ART3: variants seen among roughly 807,000 people sequenced by gnomAD.
ART3 encodes ecto-ADP-ribosyltransferase 3.
In ART3, 49 loss-of-function variants were observed where a neutral mutation model predicts 48.5. The ratio of observed to expected loss-of-function variants is 1.01; its 90% CI spans 0.80 to 1.28. The LOEUF is 1.28. Among genes scored for constraint, ART3 ranks in the 50% most tolerant of loss-of-function variants. The probability of loss-of-function intolerance (pLI) is 0.00; values close to 1 mark genes in which losing one functional copy is unlikely to be tolerated. For synonymous variants in ART3, 145 were observed against 157.2 expected, an observed-to-expected ratio of 0.92 and a Z score of 0.58; for missense variants, 438 against 454.3, an observed-to-expected ratio of 0.96 and a Z score of 0.33.
intron 6 of ART3, 83 bp from the exon 7 acceptor site, chr4:76,100,712 G>T: frequency 6.9e-7 from 1 of 1,454,108 alleles, no homozygotes; most frequent in South Asian, 1.3e-5. Flanking sequence ...CATATTTCTT[G>T]CAAATAATTT....
intron 10 of ART3, chr4:76,105,408 G>T: frequency 4.1e-6 from 4 of 977,022 alleles, no homozygotes; most frequent in Non-Finnish European, 5.3e-6. Context: ...CTTCTGTCTT[G>T]CAGGACTGAT....
chr4:76,089,953 A>G (rs536781882), intron 3 of ART3, among the ~76,000 whole-genome samples: 1 of 152,118 alleles, frequency 6.6e-6, no homozygotes, highest in South Asian at 2.1e-4. Flanking sequence ...GGTGGTGGGT[A>G]CCTGTAGTCC....
At chr4:76,095,299 G>A (rs1725750256) in intron 3 of ART3, among the ~76,000 whole-genome samples, 2 of 152,158 alleles carry the variant, frequency 1.3e-5, no homozygotes, top group Admixed American at 1.3e-4. Context: ...TCCAAGGTCA[G>A]GAGTTCAAGA....
chr4:76,051,182 C>G (rs984205874), intron 1 of ART3, among the ~76,000 whole-genome samples: 1 of 151,524 alleles, frequency 6.6e-6, no homozygotes, highest in African/African-American at 2.4e-5. Context: ...CGAGAGCAAG[C>G]GAGGGCTGTG....
In ART3 at chr4:76,112,645, ATT is replaced by A. The variant is rs2109837951; in HGVS notation, c.*128_*129del. ...TCACTGGATAAAATGAGAATTGTAT[ATT>A]TGTTATTCATTTTGCAAATTCAGAA... On this transcript the variant is annotated 3_prime_UTR_variant, in exon 12 of 12. Coordinates refer to ENST00000355810, the MANE Select transcript of ART3 (RefSeq NM_001130016.3). 1 of 1,151,900 alleles carries A rather than the reference ATT, an allele frequency of 8.7e-7. No homozygotes were observed. The highest frequency in any genetic ancestry group is 1.2e-6 in the Non-Finnish European group (1 of 858,158). The allele number at this position is 1,151,900 out of a possible 1,614,324, so 71.4% of individuals were successfully genotyped here.
rs1578299428 is a variant in ART3 at position 76,044,643 on chromosome 4, G to T, written c.-9-31238G>T. On this transcript the variant is annotated intron_variant, in intron 1 of 9. Transcript: ENST00000341029. ...TTTAACTCTCTCTTTGACTTTCTGTGTCTGTCCCTCTTTCTGACTCCTTTT... is the reference window on the plus strand; with the variant it reads ...TTTAACTCTCTCTTTGACTTTCTGTTTCTGTCCCTCTTTCTGACTCCTTTT... Among the ~76,000 whole-genome samples, 3 of 151,304 alleles carry T rather than the reference G, an allele frequency of 2.0e-5. No individual in the cohort carries two copies. In the East Asian group the frequency reaches 5.8e-4, roughly 29 times the overall value.
At chr4:76,108,291 T>C (rs1200884519) in intron 11 of ART3, among the ~76,000 whole-genome samples, 1 of 152,076 alleles carries the variant, frequency 6.6e-6, no homozygotes. Context: ...GAAGCTATTC[T>C]ATACAGGAAG....
chr4:76,043,482 C>G (rs1735183681), intron 1 of ART3, among the ~76,000 whole-genome samples: 3 of 152,120 alleles, frequency 2.0e-5, no homozygotes, highest in South Asian at 2.1e-4. Context: ...GAGTGCAGTG[C>G]CAGCCCACTG....
chr4:76,063,176 C>T (rs1035212975), intron 1 of ART3, among the ~76,000 whole-genome samples: 14 of 152,042 alleles, frequency 9.2e-5, no homozygotes, highest in East Asian at 3.8e-4. Flanking sequence ...ACTTCATGGA[C>T]GGAAGCTTCC....
At chr4:76,105,795 G>A in intron 10 of ART3, 5 of 985,462 alleles carry the variant, frequency 5.1e-6, no homozygotes, top group South Asian at 9.4e-5. Context: ...AACTGGAACA[G>A]TTGGCTTCCA....
rs757150443 is a variant in ART3, at chr4:76,035,331, A to G, written c.-10+24011A>G. On this transcript the variant is annotated intron_variant, in intron 1 of 9. Coordinates refer to the ART3 transcript ENST00000341029. The stretch of plus-strand genomic sequence containing the variant: ...ATGCAAAGACAGCGTCCTCTTTTGA[A>G]CATGGGGAAGCCTAGAATAGATCAT... 29 of 1,613,894 alleles carry G rather than the reference A, an allele frequency of 1.8e-5. No homozygotes were observed. In the East Asian group the frequency reaches 6.0e-4, roughly 33 times the overall value.
Position 76,081,874 on chromosome 4 carries a change from C to T in ART3, c.120C>T (p.Tyr40=), listed in dbSNP as rs535587213. The T allele has an allele frequency of 9.3e-6, 15 of 1,614,044 alleles. No homozygotes were observed. The highest frequency in any genetic ancestry group is 1.3e-5 in the African/African-American group (1 of 74,994). The change falls in exon 3 of 12, where the codon TAC becomes TAT. Residue 40 remains tyrosine (Y), a synonymous_variant. Transcript: ENST00000355810. ...DMADNAFDDE[Y]LKCTDRMEIK... Reference sequence around the variant, plus strand: ...CAGATAATGCATTTGATGATGAATACCTGAAATGTACGGACAGGATGGAAA... The same window carrying T: ...CAGATAATGCATTTGATGATGAATATCTGAAATGTACGGACAGGATGGAAA...
At chr4:76,046,699 G>A (rs1002230503) in intron 1 of ART3, among the ~76,000 whole-genome samples, 3 of 151,942 alleles carry the variant, frequency 2.0e-5, no homozygotes, top group Non-Finnish European at 4.4e-5. Context: ...CCATATTCAT[G>A]TAGATAATAG....
chr4:76,017,821 G>A (rs1203158358), intron 1 of ART3, among the ~76,000 whole-genome samples: 1 of 152,244 alleles, frequency 6.6e-6, no homozygotes, highest in Non-Finnish European at 1.5e-5. Context: ...CCCTCCATGG[G>A]CATCCACTGA....
intron 1 of ART3, chr4:76,022,407 C>T (rs1732931234): frequency 4.3e-6 from 7 of 1,613,608 alleles, no homozygotes; most frequent in East Asian, 2.2e-5. Context: ...TGATGGCCTT[C>T]GATTCTGGAT....
At position 76,112,549 on chromosome 4, in the gene ART3, T is replaced by G. The variant is rs1175165352; in HGVS notation, c.*30T>G. The G allele has an allele frequency of 6.3e-7, 1 of 1,594,042 alleles. No homozygotes were observed. The highest frequency in any genetic ancestry group is 1.3e-5 in the African/African-American group (1 of 74,192). On this transcript the variant is annotated 3_prime_UTR_variant, in exon 12 of 12. Transcript: ENST00000355810. ...ATGCATTGTTTATCTTTCTTATTCT[T>G]TACTTGAAATAACTATAGGGATCCA...
intron 1 of ART3, among the ~76,000 whole-genome samples, chr4:76,032,664 A>G (rs1022644932): frequency 6.9e-6 from 1 of 145,632 alleles, no homozygotes; most frequent in Non-Finnish European, 1.5e-5. Flanking sequence ...AGCTCACTGC[A>G]ACCTCTGCCT....
chr4:76,034,169 A>G (rs553057996), intron 1 of ART3: 17 of 338,000 alleles, frequency 5.0e-5, no homozygotes, highest in African/African-American at 3.4e-4. Context: ...AATGATGCAT[A>G]AGAATGTCTC....
chr4:76,031,226 A>G (rs1733845315), intron 1 of ART3, among the ~76,000 whole-genome samples: 1 of 152,182 alleles, frequency 6.6e-6, no homozygotes, highest in African/African-American at 2.4e-5. Flanking sequence ...TTTTATCATT[A>G]CATTTTATTT....
Sources: allele counts gnomAD v4.1 joint callset (sites outside exome capture counted in the v4.1 genomes callset), GRCh38; gene constraint gnomAD v4.1.1; transcripts MANE v1.5; gene names NCBI Gene and HGNC (gene_info 2026-07-23, HGNC 2026-07-21).